Variants in KLHL29 observed in about 807,000 individuals in gnomAD.
KLHL29 encodes the protein kelch-like protein 29.
In KLHL29, 21 loss-of-function variants were observed where a neutral mutation model predicts 80.4. The observed-to-expected ratio is 0.26, with a 90% CI of 0.19 to 0.38. The LOEUF is 0.38. Among genes scored for constraint, KLHL29 ranks in the 10% least tolerant of loss-of-function variants. KLHL29 has a pLI of 1.00. For synonymous variants in KLHL29, 511 were observed against 526.8 expected (o/e 0.97, Z 0.41); for missense variants, 867 against 1,223.9 (o/e 0.71, Z 4.35).
chr2:23,526,093 A>G (rs1199766719), intron 2 of KLHL29, among the ~76,000 whole-genome samples: 3 of 152,240 alleles, frequency 2.0e-5, no homozygotes, highest in Non-Finnish European at 4.4e-5. Flanking sequence ...AGGGAAAAGC[A>G]GGTTAGGAAA....
intron 5 of KLHL29, among the ~76,000 whole-genome samples, chr2:23,654,079 A>C (rs1670164811): frequency 6.6e-6 from 1 of 152,024 alleles, no homozygotes. Context: ...AGGCACGAGA[A>C]TCGCTTGAAC....
intron 1 of KLHL29, among the ~76,000 whole-genome samples, chr2:23,411,733 C>T (rs1666864550): frequency 6.6e-6 from 1 of 152,124 alleles, no homozygotes; most frequent in Non-Finnish European, 1.5e-5. Flanking sequence ...CAGATGTGGG[C>T]ATGGCAGCTC....
chr2:23,686,901 A>G (rs1182647957), intron 6 of KLHL29, among the ~76,000 whole-genome samples: 1 of 152,144 alleles, frequency 6.6e-6, no homozygotes, highest in Non-Finnish European at 1.5e-5. Flanking sequence ...GTTTGCAGCC[A>G]CAGAGCACAC....
chr2:23,419,061 T>C (rs951084784), intron 1 of KLHL29, among the ~76,000 whole-genome samples: 1 of 152,150 alleles, frequency 6.6e-6, no homozygotes, highest in African/African-American at 2.4e-5. Context: ...TTGGTGTCTT[T>C]TAGAGTCTGG....
chr2:23,476,278 A>G, intron 2 of KLHL29, among the ~76,000 whole-genome samples: 1 of 152,034 alleles, frequency 6.6e-6, no homozygotes. Flanking sequence ...CCTCCTTAAA[A>G]ACTGTAATTA....
At chr2:23,415,323 G>A (rs192278296) in intron 1 of KLHL29, among the ~76,000 whole-genome samples, 97 of 152,338 alleles carry the variant, frequency 6.4e-4, no homozygotes, top group Admixed American at 2.2e-3. Flanking sequence ...CAGGGGCTCA[G>A]GTGCTGAGAA....
intron 2 of KLHL29, among the ~76,000 whole-genome samples, chr2:23,515,748 A>G (rs1665901829): frequency 6.6e-6 from 1 of 152,220 alleles, no homozygotes; most frequent in Non-Finnish European, 1.5e-5. Context: ...GTATTAATAC[A>G]CAATTGTTTG....
chr2:23,456,442 G>A (rs145269925), intron 1 of KLHL29, among the ~76,000 whole-genome samples: 4 of 152,338 alleles, frequency 2.6e-5, no homozygotes, highest in Non-Finnish European at 5.9e-5. Context: ...TAGAATCTTC[G>A]GAGCAGTGAT....
chr2:23,505,283 G>T (rs1665565776), intron 2 of KLHL29, among the ~76,000 whole-genome samples: 1 of 152,200 alleles, frequency 6.6e-6, no homozygotes, highest in Non-Finnish European at 1.5e-5. Flanking sequence ...GTCCTGGCAA[G>T]CTGTCCCCTG....
At position 23,618,736 on chromosome 2, in the gene KLHL29, G is replaced by A. The variant is rs554568107; in HGVS notation, c.286-20403G>A. On this transcript the variant is annotated intron_variant, in intron 3 of 13. Transcript: ENST00000486442. ...ATATAATTTCTATGCTATTAGTTCC[G>A]TTTCTCTGGAGAACCCTGGCTGATA... is the stretch of plus-strand genomic sequence containing the variant. Among the ~76,000 whole-genome samples, 13 of 152,210 alleles carry A rather than the reference G, an allele frequency of 8.5e-5. No individual in the cohort carries two copies. The South Asian group carries it at 1.5e-3, about 17-fold the overall frequency.
At chr2:23,481,374 G>A (rs1664793590) in intron 2 of KLHL29, among the ~76,000 whole-genome samples, 1 of 152,208 alleles carries the variant, frequency 6.6e-6, no homozygotes, top group African/African-American at 2.4e-5. Flanking sequence ...GTGTCTTAAT[G>A]TATCCTTTTA....
intron 1 of KLHL29, among the ~76,000 whole-genome samples, chr2:23,434,356 G>A (rs888608621): frequency 4.0e-4 from 56 of 138,414 alleles, no homozygotes; most frequent in African/African-American, 1.3e-3. Context: ...GCTAGGCTCC[G>A]TGAGTCATGG....
chr2:23,568,423 T>C (rs904591559), intron 3 of KLHL29, among the ~76,000 whole-genome samples: 3 of 152,190 alleles, frequency 2.0e-5, no homozygotes, highest in African/African-American at 7.2e-5. Flanking sequence ...GTAGGTTGGC[T>C]AGTGGCTGGA....
chr2:23,544,834 GGAACA>G (rs1666941064), intron 2 of KLHL29, among the ~76,000 whole-genome samples: 1 of 152,192 alleles, frequency 6.6e-6, no homozygotes, highest in Non-Finnish European at 1.5e-5. Flanking sequence ...CCAGCATGTT[GGAACA>G]GAGGGGCAGG....
chr2:23,661,033 G>GA lies in KLHL29; in HGVS notation c.940+18192dup, dbSNP rs149310113. On this transcript the variant is annotated intron_variant, in intron 5 of 13. Transcript: ENST00000486442. ...GCAACAAGAACAAAACTCTGTTTCA[G>GA]AAAAAAAAAGAGAGAGAGAGAGAGA... 6.8e-4 allele frequency among the ~76,000 whole-genome samples: 100 copies of GA among 146,052 alleles called. 1 individual carries two copies. Among genetic ancestry groups the GA allele is most frequent in the African/African-American group, 2.1e-3 (84 of 39,442 alleles).
chr2:23,583,889 C>T (rs1173005873), intron 3 of KLHL29, among the ~76,000 whole-genome samples: 1 of 152,226 alleles, frequency 6.6e-6, no homozygotes, highest in African/African-American at 2.4e-5. Flanking sequence ...CATCTCTGCT[C>T]CTCTTTATCT....
intron 2 of KLHL29, among the ~76,000 whole-genome samples, chr2:23,515,188 G>C (rs72849023): frequency 0.072 from 10,904 of 152,178 alleles, 1,188 homozygotes; most frequent in African/African-American, 0.24. Context: ...GCCCAAGGGA[G>C]GGTCCTTATT....
At chr2:23,453,040 CT>C (rs1479049864) in intron 1 of KLHL29, among the ~76,000 whole-genome samples, 1 of 151,852 alleles carries the variant, frequency 6.6e-6, no homozygotes, top group Non-Finnish European at 1.5e-5. Flanking sequence ...TTTGCCTCCC[CT>C]GAGAGACCGT....
At chr2:23,429,052 C>A (rs1663088015) in intron 1 of KLHL29, among the ~76,000 whole-genome samples, 1 of 152,190 alleles carries the variant, frequency 6.6e-6, no homozygotes, top group Admixed American at 6.5e-5. Context: ...GTGTGCACAG[C>A]GAGGGAGTTT....
Sources: allele counts gnomAD v4.1 joint callset (sites outside exome capture counted in the v4.1 genomes callset), GRCh38; gene constraint gnomAD v4.1.1; transcripts MANE v1.5; gene names NCBI Gene and HGNC (gene_info 2026-07-23, HGNC 2026-07-21).